CYSLTR1: variants seen among roughly 807,000 people sequenced by gnomAD.
CYSLTR1 encodes G-protein coupled receptor HG55.
Under a neutral mutation model 2.1 loss-of-function variants are expected in CYSLTR1, and 1 was observed. The ratio of observed to expected loss-of-function variants is 0.48; its 90% CI spans 0.17 to 2.28. The LOEUF is 2.28. Among genes scored for constraint, CYSLTR1 ranks in the 30% most tolerant of loss-of-function variants. The pLI is 0.26. For synonymous variants in CYSLTR1, 110 were observed against 89.6 expected, an observed-to-expected ratio of 1.23 and a Z score of -1.28; for missense variants, 299 against 250.1, an observed-to-expected ratio of 1.20 and a Z score of -1.32.
chrX:78,313,007 C>T, intron 1 of CYSLTR1, among the ~76,000 whole-genome samples: 1 of 111,878 alleles, frequency 8.9e-6, no homozygotes, highest in Non-Finnish European at 1.9e-5. Context: ...AAAATACATC[C>T]ATGCACATAT....
At chrX:78,301,788 T>C (rs1250435464) in intron 1 of CYSLTR1, among the ~76,000 whole-genome samples, 1 of 111,869 alleles carries the variant, frequency 8.9e-6, no homozygotes, top group East Asian at 2.8e-4. Context: ...ACCAAGTTAC[T>C]GTTATTAGTC....
intron 1 of CYSLTR1, among the ~76,000 whole-genome samples, chrX:78,284,422 T>C (rs1921967875): frequency 9.0e-6 from 1 of 110,728 alleles, no homozygotes; most frequent in African/African-American, 3.3e-5. Flanking sequence ...TTAGACAGAG[T>C]CTCACTCTGC....
At chrX:78,301,231 A>G (rs1922809815) in intron 1 of CYSLTR1, among the ~76,000 whole-genome samples, 1 of 112,521 alleles carries the variant, frequency 8.9e-6, no homozygotes, top group Admixed American at 9.3e-5. Context: ...TTGGTGATTA[A>G]CATTTGACTT....
At chrX:78,285,207 C>T (rs1463635659) in intron 1 of CYSLTR1, among the ~76,000 whole-genome samples, 1 of 110,271 alleles carries the variant, frequency 9.1e-6, no homozygotes, top group African/African-American at 3.3e-5. Context: ...CCGAGGCGGG[C>T]GGATCACGAG....
intron 1 of CYSLTR1, among the ~76,000 whole-genome samples, chrX:78,298,198 T>C (rs980797831): frequency 1.8e-5 from 2 of 111,776 alleles, no homozygotes; most frequent in Non-Finnish European, 3.8e-5. Flanking sequence ...ATTCCTCCTG[T>C]TATTAATGTC....
chrX:78,287,946 T>G (rs1922139503), intron 1 of CYSLTR1, among the ~76,000 whole-genome samples: 1 of 111,624 alleles, frequency 9.0e-6, no homozygotes, highest in African/African-American at 3.3e-5. Context: ...GCATGTCAGT[T>G]CTACCTCAGT....
intron 1 of CYSLTR1, among the ~76,000 whole-genome samples, chrX:78,318,418 GA>G (rs1210563308): frequency 8.9e-6 from 1 of 111,772 alleles, no homozygotes; most frequent in Non-Finnish European, 1.9e-5. Flanking sequence ...AGAGGATCAG[GA>G]AAAATAACTA....
intron 2 of CYSLTR1, among the ~76,000 whole-genome samples, chrX:78,275,759 T>G (rs1921564145): frequency 9.0e-6 from 1 of 111,321 alleles, no homozygotes; most frequent in African/African-American, 3.3e-5. Flanking sequence ...AAATGCTTGG[T>G]TCCCTCGAGA....
At chrX:78,325,297 A>G (rs1296450712) in intron 1 of CYSLTR1, among the ~76,000 whole-genome samples, 1 of 111,493 alleles carries the variant, frequency 9.0e-6, no homozygotes, top group Non-Finnish European at 1.9e-5. Context: ...TCCCTGACCT[A>G]GCAATATAGT....
intron 1 of CYSLTR1, among the ~76,000 whole-genome samples, chrX:78,312,650 G>A (rs192156619): frequency 4.1e-4 from 46 of 111,826 alleles, no homozygotes; most frequent in African/African-American, 1.5e-3. Context: ...TTTAAAAATG[G>A]GGAAAGAACA....
intron 2 of CYSLTR1, among the ~76,000 whole-genome samples, chrX:78,276,928 G>C (rs1045374767): frequency 9.0e-6 from 1 of 111,172 alleles, no homozygotes; most frequent in Non-Finnish European, 1.9e-5. Flanking sequence ...CTGGGGAAGA[G>C]ATGAGTGAAA....
chrX:78,274,602 A>G (rs1457070784), intron 2 of CYSLTR1, among the ~76,000 whole-genome samples: 1 of 111,479 alleles, frequency 9.0e-6, no homozygotes, highest in Admixed American at 9.6e-5. Flanking sequence ...AGACTTAAAT[A>G]TTAGACCTAA....
chrX:78,279,871 C>T (rs1921759783), intron 2 of CYSLTR1, among the ~76,000 whole-genome samples: 1 of 111,640 alleles, frequency 9.0e-6, no homozygotes, highest in Non-Finnish European at 1.9e-5. Context: ...TGCATGTTCT[C>T]ACTTGTAAAT....
intron 1 of CYSLTR1, among the ~76,000 whole-genome samples, chrX:78,293,363 G>T (rs1273306806): frequency 8.9e-6 from 1 of 111,863 alleles, no homozygotes; most frequent in Non-Finnish European, 1.9e-5. Flanking sequence ...AGTCTCATGG[G>T]CTTCCCTTTT....
chrX:78,285,024 G>A (rs890753003), intron 1 of CYSLTR1, among the ~76,000 whole-genome samples: 1 of 110,737 alleles, frequency 9.0e-6, no homozygotes, highest in Non-Finnish European at 1.9e-5. Flanking sequence ...ATTACTCAGA[G>A]TTGTCTTTTA....
intron 1 of CYSLTR1, among the ~76,000 whole-genome samples, chrX:78,289,774 T>C (rs1475331217): frequency 4.4e-5 from 5 of 112,484 alleles, no homozygotes; most frequent in African/African-American, 1.3e-4. Context: ...TTGAGAAGTG[T>C]CTGTTCATAT....
At position 78,273,280 on chromosome X, in the gene CYSLTR1, G is replaced by A. The variant is rs1264841025; in HGVS notation, c.467C>T (p.Ser156Phe). 8.3e-7 allele frequency: 1 copy of A among 1,209,511 alleles called. No individual in the cohort carries two copies. The highest frequency in any genetic ancestry group is 3.0e-5 in the East Asian group (1 of 33,816). Reference protein sequence around the residue: ...GIWIFVILTSSPFLMAKPQKD... With the variant: ...GIWIFVILTSFPFLMAKPQKD... ...TTGTGGTTTGGCCATTAGAAATGGA[G>A]AACTGGTCAAAATCACAAAAATCCA... Residue 156 changes from serine to phenylalanine, a missense_variant, in exon 3 of 3, where the codon TCT (serine) becomes TTT (phenylalanine). Ser to Phe is a radical substitution (Grantham distance 155). Coordinates refer to ENST00000373304, the MANE Select transcript of CYSLTR1 (RefSeq NM_006639.4).
intron 1 of CYSLTR1, among the ~76,000 whole-genome samples, chrX:78,324,964 C>A (rs5912586): frequency 0.11 from 12,489 of 110,628 alleles, 1,513 homozygotes; most frequent in African/African-American, 0.36. Context: ...GTATTATAAC[C>A]AAATCTGTGA....
chrX:78,315,064 T>A (rs1169627839), intron 1 of CYSLTR1, among the ~76,000 whole-genome samples: 1 of 105,480 alleles, frequency 9.5e-6, no homozygotes, highest in Non-Finnish European at 1.9e-5. Context: ...ATCTTGCATC[T>A]TGGATACCAC....
Sources: gnomAD v4.1 joint callset for allele counts (sites outside exome capture counted in the v4.1 genomes callset) on GRCh38, gnomAD v4.1.1 for gene constraint, MANE v1.5 for transcripts, NCBI Gene and HGNC (gene_info 2026-07-23, HGNC 2026-07-21) for gene names.